CNOT3: variants seen among roughly 807,000 people sequenced by gnomAD.
The protein encoded by CNOT3 is CCR4-NOT transcription complex subunit 3, also known as CCR4-associated factor 3.
Under a neutral mutation model 89.4 loss-of-function variants are expected in CNOT3, and 2 were observed. The ratio of observed to expected loss-of-function variants is 0.02; its 90% CI spans 0.01 to 0.07. The LOEUF (loss-of-function observed/expected upper bound fraction) is 0.07, where lower values mean the gene tolerates loss of function less well. Among genes scored for constraint, CNOT3 ranks in the 10% least tolerant of loss-of-function variants. The pLI is 1.00. For missense variants in CNOT3, 664 were observed against 1,010.2 expected (o/e 0.66, Z 4.65); for synonymous variants, 486 against 402.0 (o/e 1.21, Z -2.50).
chr19:54,139,165 G>C (rs2074347972), intron 1 of CNOT3, among the ~76,000 whole-genome samples: 1 of 152,154 alleles, frequency 6.6e-6, no homozygotes, highest in African/African-American at 2.4e-5. Flanking sequence ...ACCCACCCCG[G>C]GGTGAGCTCT....
chr19:54,153,379 C>A lies in CNOT3; in HGVS notation c.2038-336C>A, dbSNP rs1408659186. 3 of 766,626 alleles carry A rather than the reference C, an allele frequency of 3.9e-6. No individual in the cohort carries two copies. The African/African-American group carries it at 5.1e-5, about 13-fold the overall frequency. 47.5% of individuals were successfully genotyped at this position (766,626 alleles called of 1,614,324 possible). A position where few individuals can be genotyped will look rare whatever the true frequency, so the allele number is the denominator to read the frequency against. ...GGAGACCACTGGGGAGCTGTCCAGC[C>A]CCCTCCCAACCCCAGTGAGTCATGA... On this transcript the variant is annotated intron_variant, in intron 16 of 17. Coordinates refer to ENST00000221232, the MANE Select transcript of CNOT3 (RefSeq NM_014516.4).
intron 17 of CNOT3, 51 bp downstream of exon 17, chr19:54,153,891 C>A (rs550253877): frequency 6.2e-7 from 1 of 1,612,918 alleles, no homozygotes; most frequent in Admixed American, 1.7e-5. Context: ...GGTAGAGTCC[C>A]CAGGCTCCAG....
chr19:54,155,115 G>T (rs556084273), intron 17 of CNOT3, 194 bp from the exon 18 acceptor site: 1 of 626,546 alleles, frequency 1.6e-6, no homozygotes, highest in Non-Finnish European at 2.7e-6. Context: ...TTTCCTCCTC[G>T]CTGAAGTGGC....
rs2074783241 is a variant in CNOT3, at chr19:54,148,106, T to C, written c.895-42T>C. ...GGTGGGGGTGGTGAGGGAGACCAGCTGGCCCACTGGGTCCTGACCCTCTGC... is the reference window on the plus strand; with the variant it reads ...GGTGGGGGTGGTGAGGGAGACCAGCCGGCCCACTGGGTCCTGACCCTCTGC... On this transcript the variant is annotated intron_variant, in intron 10 of 17. Coordinates refer to ENST00000221232, the MANE Select transcript of CNOT3 (RefSeq NM_014516.4). The surrounding 1 kb of genome is among the most constrained non-coding windows in gnomAD (Gnocchi z 6.3). The C allele has an allele frequency of 1.4e-6, 2 of 1,379,612 alleles. No homozygotes were observed. The highest frequency in any genetic ancestry group is 5.8e-5 in the East Asian group (2 of 34,490). 85.5% of individuals were successfully genotyped at this position (1,379,612 alleles called of 1,614,324 possible).
chr19:54,153,935 ACCTTT>A, intron 17 of CNOT3, 95 bp downstream of exon 17: 1 of 1,517,826 alleles, frequency 6.6e-7, no homozygotes, highest in Non-Finnish European at 9.2e-7. Context: ...CCTTGCCTCC[ACCTTT>A]CAGCTGGCGC....
intron 15 of CNOT3, 22 bp from the exon 16 acceptor site, chr19:54,152,845 G>A (rs375865295): frequency 3.0e-5 from 37 of 1,243,472 alleles, no homozygotes; most frequent in East Asian, 7.0e-5. Flanking sequence ...AGCTGGCACT[G>A]ACCTTCCTGT....
At chr19:54,149,898 TTC>T in intron 13 of CNOT3, 140 bp downstream of exon 13, 1 of 895,858 alleles carries the variant, frequency 1.1e-6, no homozygotes, top group Admixed American at 2.8e-5. Flanking sequence ...CACTTGCTCT[TTC>T]TCCAGGTCTT....
chr19:54,153,098 C>T (rs779308224), intron 16 of CNOT3, 99 bp downstream of exon 16: 87 of 1,264,042 alleles, frequency 6.9e-5, no homozygotes, highest in South Asian at 3.8e-5. Flanking sequence ...TGCCCCACTG[C>T]GGCCACTGGG....
chr19:54,150,956 A>G (rs1313173583), intron 13 of CNOT3, among the ~76,000 whole-genome samples: 3 of 151,796 alleles, frequency 2.0e-5, no homozygotes, highest in Non-Finnish European at 1.5e-5. Flanking sequence ...ACGCCAGGCT[A>G]ATTTTTATAT....
intron 16 of CNOT3, chr19:54,153,422 C>G: frequency 1.3e-6 from 1 of 772,088 alleles, no homozygotes; most frequent in East Asian, 2.5e-5. Context: ...CCACCCTCAT[C>G]CCCACTTGGG....
rs1276933485 is a variant in CNOT3, at chr19:54,143,880, G to GC, written c.259-126_259-125insC. ...AGTAAGGTTTCTGCACCTAAGGGAA[G>GC]TGAAGAGGCAGCGGACTCAGAGCTC... On this transcript the variant is annotated intron_variant, in intron 5 of 17. Coordinates refer to ENST00000221232, the MANE Select transcript of CNOT3 (RefSeq NM_014516.4). 6.1e-6 allele frequency: 9 copies of GC among 1,480,570 alleles called. No homozygotes were observed. In the East Asian group the frequency reaches 2.0e-4, roughly 34 times the overall value. 91.7% of individuals were successfully genotyped at this position (1,480,570 alleles called of 1,614,324 possible).
Position 54,143,020 on chromosome 19 carries a change from C to T in CNOT3, c.25+17C>T. 6.2e-7 allele frequency: 1 copy of T among 1,614,024 alleles called. No individual in the cohort carries two copies. Among genetic ancestry groups the T allele is most frequent in the Non-Finnish European group, 8.5e-7 (1 of 1,179,936 alleles). On this transcript the variant is annotated intron_variant, in intron 2 of 17. Coordinates refer to ENST00000221232, the MANE Select transcript of CNOT3 (RefSeq NM_014516.4). ...AACTCCAAGGTACTAGACTGACTTC[C>T]TGCTGCACCTGTAGCCACATGCTCC... is the stretch of plus-strand genomic sequence containing the variant.
rs2074617499 is a variant in CNOT3, at chr19:54,145,307, T to C, written c.484-291T>C. Among the ~76,000 whole-genome samples, 1 of 151,942 alleles carries C rather than the reference T, an allele frequency of 6.6e-6. No homozygotes were observed. Among genetic ancestry groups the C allele is most frequent in the African/African-American group, 2.4e-5 (1 of 41,346 alleles). The stretch of plus-strand genomic sequence containing the variant: ...AGGTGAGGTGCAGATGGAGGCCAAG[T>C]CGTGGGATGGCACAAGGACCTCTGG... On this transcript the variant is annotated intron_variant, in intron 7 of 17. Coordinates refer to ENST00000221232, the MANE Select transcript of CNOT3 (RefSeq NM_014516.4). This position sits in a 1 kb window ranked among gnomAD's most constrained non-coding sequence, Gnocchi z 5.9.
intron 13 of CNOT3, among the ~76,000 whole-genome samples, chr19:54,150,142 G>A (rs1449210345): frequency 4.6e-5 from 7 of 152,132 alleles, no homozygotes; most frequent in African/African-American, 1.7e-4. Flanking sequence ...AAGACTGGTT[G>A]GGTGAATGCA....
In CNOT3 at chr19:54,143,435, C is replaced by T. The variant is rs587709925; in HGVS notation, c.94-7C>T. The T allele has an allele frequency of 2.5e-6, 4 of 1,613,808 alleles. No homozygotes were observed. Among genetic ancestry groups the T allele is most frequent in the Non-Finnish European group, 1.7e-6 (2 of 1,179,816 alleles). ...ACACTGACTTCTCAATTCTCTCCATCCCTCAGCTCCACAATGCAGCCAACG... is the reference window on the plus strand; with the variant it reads ...ACACTGACTTCTCAATTCTCTCCATTCCTCAGCTCCACAATGCAGCCAACG... On this transcript the variant is annotated splice_region_variant and splice_polypyrimidine_tract_variant and intron_variant, in intron 3 of 17. Transcript: ENST00000221232.
intron 10 of CNOT3, among the ~76,000 whole-genome samples, chr19:54,147,645 T>G (rs116571718): frequency 0.01 from 1,529 of 152,250 alleles, 28 homozygotes; most frequent in African/African-American, 0.035. Flanking sequence ...ATGAGCACAT[T>G]TACCCTCCCA....
At chr19:54,154,631 A>G (rs753587893) in intron 17 of CNOT3, 32 of 155,770 alleles carry the variant, frequency 2.1e-4, no homozygotes, top group Non-Finnish European at 3.4e-4. Context: ...ATGAAGTAGT[A>G]CAAGGTCCTT....
At chr19:54,153,386 C>T (rs1336284787) in intron 16 of CNOT3, 2 of 767,812 alleles carry the variant, frequency 2.6e-6, no homozygotes, top group Non-Finnish European at 4.8e-6. Flanking sequence ...AGCCCCCTCC[C>T]AACCCCAGTG....
intron 1 of CNOT3, among the ~76,000 whole-genome samples, chr19:54,138,513 G>T (rs1236947685): frequency 6.6e-6 from 1 of 152,080 alleles, no homozygotes; most frequent in Non-Finnish European, 1.5e-5. Flanking sequence ...GGGGAGGGGG[G>T]GTGGTGGTCG....
Sources: gnomAD v4.1 joint callset for allele counts (sites outside exome capture counted in the v4.1 genomes callset) on GRCh38, gnomAD v4.1.1 for gene constraint, Gnocchi (gnomAD v3.1) non-coding constraint, MANE v1.5 for transcripts, NCBI Gene and HGNC (gene_info 2026-07-23, HGNC 2026-07-21) for gene names.